The following ITPRID1 variants were observed in gnomAD, a reference collection of about 807,000 sequenced individuals.
ITPRID1 encodes the protein protein ITPRID1.
Under a neutral mutation model 95.4 loss-of-function variants are expected in ITPRID1, and 96 were observed. The ratio of observed to expected loss-of-function variants is 1.01; its 90% CI spans 0.85 to 1.19. The LOEUF is 1.19. ITPRID1 is among the 50% of genes most tolerant of loss of function. The pLI is 0.00. For synonymous variants in ITPRID1, 510 were observed against 453.6 expected (o/e 1.12, Z -1.58); for missense variants, 1,339 against 1,252.9 (o/e 1.07, Z -1.04).
In ITPRID1 at chr7:31,655,599, C is replaced by T. The variant is rs371236642; in HGVS notation, c.*2770C>T. On this transcript the variant is annotated 3_prime_UTR_variant, in exon 15 of 15. Transcript: ENST00000615280. The stretch of plus-strand genomic sequence containing the variant: ...GCAGCCTTCCACCAGAAATAAAAGT[C>T]CAGGCCCTGGAGTTATTATGCGCCT... 2.2e-4 allele frequency among the ~76,000 whole-genome samples: 33 copies of T among 152,260 alleles called. No homozygotes were observed. The highest frequency in any genetic ancestry group is 7.2e-4 in the African/African-American group (30 of 41,550).
At position 31,642,238 on chromosome 7, in the gene ITPRID1, C is replaced by T. The variant is rs368202210; in HGVS notation, c.1291C>T (p.Leu431=). 8 of 1,554,320 alleles carry T rather than the reference C, an allele frequency of 5.1e-6. No homozygotes were observed. The African/African-American group carries it at 1.1e-4, about 21-fold the overall frequency. Residue 431 remains leucine, a synonymous_variant, in exon 11 of 15, where the codon CTG becomes TTG. Transcript: ENST00000615280. ...CAGCAGCGGGTTCCTGGAGGAGCCG[C>T]TGGAACCGCTGCCCCTCCAGGTAGG... ...SDSSGFLEEP[L]EPLPLQMPSL...
chr7:31,548,093 A>G (rs1341389112), intron 1 of ITPRID1, among the ~76,000 whole-genome samples: 4 of 152,098 alleles, frequency 2.6e-5, no homozygotes, highest in African/African-American at 9.7e-5. Flanking sequence ...AGCAAAATCT[A>G]TGAGTAGAAT....
chr7:31,550,200 CT>C (rs60891720), intron 2 of ITPRID1, among the ~76,000 whole-genome samples: 88,664 of 136,790 alleles, frequency 0.65, 28,323 homozygotes, highest in Middle Eastern at 0.72. Flanking sequence ...TTTGCATCCT[CT>C]TTTTTTTTTT....
intron 3 of ITPRID1, 51 bp downstream of exon 3, chr7:31,553,238 G>T: frequency 6.7e-7 from 1 of 1,494,992 alleles, no homozygotes; most frequent in East Asian, 2.5e-5. Flanking sequence ...TGAGTGGTGA[G>T]GGATGTGGGA....
Position 31,549,426 on chromosome 7 carries a change from T to G in ITPRID1, c.-97T>G, listed in dbSNP as rs1475748048. On this transcript the variant is annotated splice_region_variant and 5_prime_UTR_variant, in exon 2 of 15. Coordinates refer to ENST00000615280, the MANE Select transcript of ITPRID1 (RefSeq NM_001257967.3). ...TTGGTGATTCTTCTTTACTTGACAG[T>G]TCCTGACAGGATAAGGACAAGAAGC... is the stretch of plus-strand genomic sequence containing the variant. The G allele has an allele frequency of 2.1e-6, 3 of 1,457,496 alleles. No homozygotes were observed. The highest frequency in any genetic ancestry group is 2.7e-6 in the Non-Finnish European group (3 of 1,112,154). The allele number at this position is 1,457,496 out of a possible 1,614,324, so 90.3% of individuals were successfully genotyped here. A position where few individuals can be genotyped will look rare whatever the true frequency, so the allele number is the denominator to read the frequency against.
At chr7:31,589,585 T>C (rs1378788322) in intron 10 of ITPRID1, among the ~76,000 whole-genome samples, 1 of 151,996 alleles carries the variant, frequency 6.6e-6, no homozygotes, top group East Asian at 1.9e-4. Context: ...AAGAAAATAT[T>C]TAAAGCAGGC....
rs1442367374 is a variant in ITPRID1 at position 31,642,725 on chromosome 7, G to T, written c.1355G>T (p.Gly452Val). The T allele has an allele frequency of 6.2e-7, 1 of 1,613,976 alleles. No homozygotes were observed. The highest frequency in any genetic ancestry group is 1.3e-5 in the African/African-American group (1 of 75,048). The change falls in exon 12 of 15, where the codon GGT becomes GTT. Residue 452 changes from glycine to valine, a missense_variant. Coordinates refer to ENST00000615280, the MANE Select transcript of ITPRID1 (RefSeq NM_001257967.3). The stretch of plus-strand genomic sequence containing the variant: ...AGCCAGAGTCCTGCTGAGAATGGAG[G>T]TAGAAAGCCAAGAGATCAGAGCCAC... ...PNSQSPAENGGRKPRDQSHSL... is the reference protein window; with the variant it reads ...PNSQSPAENGVRKPRDQSHSL...
chr7:31,551,112 C>G (rs1229115571), intron 2 of ITPRID1, among the ~76,000 whole-genome samples: 1 of 143,118 alleles, frequency 7.0e-6, no homozygotes, highest in African/African-American at 2.5e-5. Context: ...TTCTTTTCTT[C>G]AAACCTTTTG....
At chr7:31,596,638 C>CATAAAAA (rs1487186792) in intron 10 of ITPRID1, among the ~76,000 whole-genome samples, 1 of 151,424 alleles carries the variant, frequency 6.6e-6, no homozygotes, top group Non-Finnish European at 1.5e-5. Flanking sequence ...AAAATGTGTG[C>CATAAAAA]ATAAAAAATA....
chr7:31,631,511 A>G lies in ITPRID1; in HGVS notation c.1229-10665A>G, dbSNP rs981247537. ...TTTATTTATGATTTTTTATTTTTCCAAATTTTCTTTACCACCTTGTATTAC... is the reference window on the plus strand; with the variant it reads ...TTTATTTATGATTTTTTATTTTTCCGAATTTTCTTTACCACCTTGTATTAC... On this transcript the variant is annotated intron_variant, in intron 10 of 14. Coordinates refer to ENST00000615280, the MANE Select transcript of ITPRID1 (RefSeq NM_001257967.3). 7.2e-5 allele frequency among the ~76,000 whole-genome samples: 11 copies of G among 152,314 alleles called. No individual in the cohort carries two copies. The East Asian group carries it at 2.1e-3, about 29-fold the overall frequency.
At chr7:31,550,055 A>G (rs1037036846) in intron 2 of ITPRID1, among the ~76,000 whole-genome samples, 5 of 152,182 alleles carry the variant, frequency 3.3e-5, no homozygotes, top group Admixed American at 6.5e-5. Flanking sequence ...TTAATGTAAC[A>G]GAGCCATTTT....
chr7:31,620,225 T>C (rs6943718), intron 10 of ITPRID1, among the ~76,000 whole-genome samples: 147,959 of 151,590 alleles, frequency 0.98, 72,219 homozygotes, highest in East Asian at 0.99. Context: ...CAGACTTAAA[T>C]GTCCCTGTCT....
rs534832387 is a variant in ITPRID1, at chr7:31,633,258, A to T, written c.1229-8918A>T. ...GAGCTGTCTTTGGGAAAGGAGTTCG[A>T]CACATTCTGCACTACTCCAAGGAGC... On this transcript the variant is annotated intron_variant, in intron 10 of 14. Coordinates refer to ENST00000615280, the MANE Select transcript of ITPRID1 (RefSeq NM_001257967.3). 2.2e-3 allele frequency among the ~76,000 whole-genome samples: 328 copies of T among 152,298 alleles called. 1 individual carries two copies. The highest frequency in any genetic ancestry group is 7.5e-3 in the African/African-American group (310 of 41,572).
intron 10 of ITPRID1, among the ~76,000 whole-genome samples, chr7:31,596,288 T>G (rs921571747): frequency 1.3e-5 from 2 of 151,628 alleles, no homozygotes; most frequent in Non-Finnish European, 3.0e-5. Flanking sequence ...CTTTCAGTTT[T>G]TCAAGAAATA....
chr7:31,569,798 A>G lies in ITPRID1; in HGVS notation c.297A>G (p.Lys99=). Residue 99 remains lysine (K), a synonymous_variant, in exon 6 of 15, where the codon AAA becomes AAG. Coordinates refer to ENST00000615280, the MANE Select transcript of ITPRID1 (RefSeq NM_001257967.3). ...YEQGMVQMTV[K]DYMRSLHQFS... ...AAGGGATGGTTCAAATGACTGTGAA[A>G]GACTACATGAGGTAGGTAGCAGAAT... 1 of 1,585,842 alleles carries G rather than the reference A, an allele frequency of 6.3e-7. No individual in the cohort carries two copies. Among genetic ancestry groups the G allele is most frequent in the Non-Finnish European group, 8.6e-7 (1 of 1,164,762 alleles).
At chr7:31,645,225 A>G (rs1014778366) in intron 12 of ITPRID1, among the ~76,000 whole-genome samples, 1 of 152,238 alleles carries the variant, frequency 6.6e-6, no homozygotes, top group African/African-American at 2.4e-5. Flanking sequence ...TAAGTGTAGA[A>G]TTAACATTAG....
intron 8 of ITPRID1, among the ~76,000 whole-genome samples, chr7:31,576,799 C>T (rs1026589054): frequency 5.9e-5 from 9 of 152,166 alleles, no homozygotes; most frequent in Admixed American, 1.3e-4. Flanking sequence ...CCTTGACCTT[C>T]GCTGAGTTAT....
chr7:31,554,333 A>G (rs1236379281), intron 3 of ITPRID1, 142 bp from the exon 4 acceptor site: 2 of 1,328,218 alleles, frequency 1.5e-6, no homozygotes, highest in Non-Finnish European at 1.9e-6. Context: ...TGCCTTCAGG[A>G]AAAAAAATGA....
At chr7:31,651,439 G>A (rs1316056102) in intron 13 of ITPRID1, among the ~76,000 whole-genome samples, 170 bp downstream of exon 13, 3 of 152,128 alleles carry the variant, frequency 2.0e-5, no homozygotes, top group Non-Finnish European at 2.9e-5. Flanking sequence ...GAGTCTGTGA[G>A]AGCCATTTGC....
Sources: allele counts gnomAD v4.1 joint callset (sites outside exome capture counted in the v4.1 genomes callset), GRCh38; gene constraint gnomAD v4.1.1; transcripts MANE v1.5; gene names NCBI Gene and HGNC (gene_info 2026-07-23, HGNC 2026-07-21).